The following PTPRO variants were observed in gnomAD, a reference collection of about 807,000 sequenced individuals.
PTPRO encodes protein tyrosine phosphatase receptor type O, also known as receptor-type tyrosine-protein phosphatase O.
Under a neutral mutation model 145.2 loss-of-function variants are expected in PTPRO, and 62 were observed. That is an observed-to-expected ratio of 0.43 (90% CI 0.35 to 0.53). The LOEUF (loss-of-function observed/expected upper bound fraction) is 0.53. PTPRO is among the 20% of genes least tolerant of loss of function. PTPRO has a pLI of 0.01. For synonymous variants in PTPRO, 565 were observed against 514.7 expected (o/e 1.10, Z -1.32); for missense variants, 1,345 against 1,482.7 (o/e 0.91, Z 1.53).
At chr12:15,549,863 CAT>C (rs1424065021) in intron 14 of PTPRO, among the ~76,000 whole-genome samples, 1 of 152,280 alleles carries the variant, frequency 6.6e-6, no homozygotes, top group African/African-American at 2.4e-5. Context: ...TAATATTAGT[CAT>C]ATATTTAGCT....
chr12:15,590,419 G>A (rs1477959976), intron 25 of PTPRO, among the ~76,000 whole-genome samples: 1 of 152,154 alleles, frequency 6.6e-6, no homozygotes, highest in Non-Finnish European at 1.5e-5. Context: ...TTTTCTCAAA[G>A]AGTATGTGTG....
At chr12:15,563,022 T>C (rs747801754) in intron 17 of PTPRO, among the ~76,000 whole-genome samples, 3 of 152,202 alleles carry the variant, frequency 2.0e-5, no homozygotes, top group Admixed American at 6.6e-5. Flanking sequence ...GTTTTAACTA[T>C]TATAAATCTC....
intron 12 of PTPRO, among the ~76,000 whole-genome samples, chr12:15,536,236 T>G (rs1470030709): frequency 1.3e-5 from 2 of 152,046 alleles, no homozygotes; most frequent in African/African-American, 2.4e-5. Context: ...ATAAGTGTCA[T>G]GGAGAAAAGT....
At chr12:15,392,664 T>A (rs1223662629) in intron 1 of PTPRO, among the ~76,000 whole-genome samples, 1 of 140,820 alleles carries the variant, frequency 7.1e-6, no homozygotes, top group Non-Finnish European at 1.5e-5. Context: ...GAGGTTTCCA[T>A]GTGCTAAGAT....
Position 15,484,077 on chromosome 12 carries a change from T to C in PTPRO, c.179T>C (p.Ile60Thr), listed in dbSNP as rs1371989860. 4 of 1,613,772 alleles carry C rather than the reference T, an allele frequency of 2.5e-6. No individual in the cohort carries two copies. Among genetic ancestry groups the C allele is most frequent in the African/African-American group, 1.3e-5 (1 of 74,932 alleles). The change falls in exon 2 of 27, where the codon ATA (isoleucine) becomes ACA (threonine). Residue 60 changes from isoleucine (I) to threonine (T), a missense_variant. Coordinates refer to ENST00000281171, the MANE Select transcript of PTPRO (RefSeq NM_030667.3). ...ISPASVYVVK[I>T]TGESKNYFFE... ...CCAGCATCTGTGTATGTTGTGAAGATAACTGGTGAATCCAAAAATTATTTC... is the reference window on the plus strand; with the variant it reads ...CCAGCATCTGTGTATGTTGTGAAGACAACTGGTGAATCCAAAAATTATTTC...
At chr12:15,498,873 A>G (rs566335248) in intron 3 of PTPRO, among the ~76,000 whole-genome samples, 26 of 152,192 alleles carry the variant, frequency 1.7e-4, no homozygotes, top group African/African-American at 6.0e-4. Context: ...TGGTACTTTT[A>G]GTTTTGTTCT....
chr12:15,503,756 TA>T, intron 5 of PTPRO, 151 bp from the exon 6 acceptor site: 1 of 614,068 alleles, frequency 1.6e-6, no homozygotes, highest in Admixed American at 3.0e-5. Context: ...TATTATTCTT[TA>T]ATGGTACCTT....
intron 21 of PTPRO, 44 bp from the exon 22 acceptor site, chr12:15,580,653 T>G: frequency 3.1e-6 from 5 of 1,613,570 alleles, no homozygotes; most frequent in Non-Finnish European, 3.4e-6. Context: ...CATTTGGTGT[T>G]GACAGTGTCT....
intron 24 of PTPRO, among the ~76,000 whole-genome samples, chr12:15,587,568 C>T (rs1256862404): frequency 1.3e-5 from 2 of 152,138 alleles, no homozygotes; most frequent in Non-Finnish European, 2.9e-5. Flanking sequence ...TGCTATGATT[C>T]CTCTTCGGGA....
intron 1 of PTPRO, among the ~76,000 whole-genome samples, chr12:15,433,898 C>T (rs75136983): frequency 0.029 from 4,425 of 152,068 alleles, 232 homozygotes; most frequent in African/African-American, 0.1. Flanking sequence ...GTGAAAAATG[C>T]CGTTGGTAGT....
chr12:15,557,593 C>A, intron 16 of PTPRO, 70 bp downstream of exon 16: 1 of 1,413,406 alleles, frequency 7.1e-7, no homozygotes, highest in Non-Finnish European at 1.0e-6. Context: ...GTCGATTTTA[C>A]TATCCTTTGG....
At chr12:15,346,707 G>C (rs796566814) in intron 1 of PTPRO, 16 of 152,320 alleles carry the variant, frequency 1.1e-4, no homozygotes, top group African/African-American at 3.6e-4. Context: ...GATTAGTTCT[G>C]TCATGAGGAT....
chr12:15,481,351 C>T (rs146476090), intron 1 of PTPRO, among the ~76,000 whole-genome samples: 151 of 152,304 alleles, frequency 9.9e-4, no homozygotes, highest in African/African-American at 3.5e-3. Flanking sequence ...CTCACTCCCT[C>T]GTATTTTTTC....
intron 1 of PTPRO, among the ~76,000 whole-genome samples, chr12:15,481,663 G>A (rs1171720251): frequency 1.3e-5 from 2 of 152,104 alleles, no homozygotes; most frequent in African/African-American, 4.8e-5. Context: ...GGTCTAGTAT[G>A]ATAAGAATAT....
chr12:15,489,441 C>T (rs1941955208), intron 2 of PTPRO, among the ~76,000 whole-genome samples: 1 of 152,158 alleles, frequency 6.6e-6, no homozygotes, highest in Non-Finnish European at 1.5e-5. Context: ...GTGGATTATT[C>T]ATGAGTTTTC....
chr12:15,591,451 T>A (rs989903858), intron 25 of PTPRO, among the ~76,000 whole-genome samples: 4 of 152,168 alleles, frequency 2.6e-5, no homozygotes, highest in African/African-American at 9.7e-5. Flanking sequence ...ATTCTTAATC[T>A]CTTTCACATG....
intron 1 of PTPRO, among the ~76,000 whole-genome samples, chr12:15,365,545 C>T (rs1431434158): frequency 6.6e-6 from 1 of 152,060 alleles, no homozygotes. Flanking sequence ...GATTGAAATA[C>T]TTGTTTTATG....
At chr12:15,347,169 C>T (rs1381061300) in intron 1 of PTPRO, among the ~76,000 whole-genome samples, 1 of 152,178 alleles carries the variant, frequency 6.6e-6, no homozygotes, top group African/African-American at 2.4e-5. Context: ...TTTTCCTCCT[C>T]CTCAGAAACC....
intron 1 of PTPRO, among the ~76,000 whole-genome samples, chr12:15,409,324 T>A (rs1173203693): frequency 6.6e-6 from 1 of 152,132 alleles, no homozygotes. Flanking sequence ...GTTGGTCCCG[T>A]CTGCTGAGAA....
Sources: gnomAD v4.1 joint callset for allele counts (sites outside exome capture counted in the v4.1 genomes callset) on GRCh38, gnomAD v4.1.1 for gene constraint, MANE v1.5 for transcripts, NCBI Gene and HGNC (gene_info 2026-07-23, HGNC 2026-07-21) for gene names.